Variants in SLCO3A1 observed in about 807,000 individuals in gnomAD.
SLCO3A1 encodes PGE1 transporter.
Under a neutral mutation model 63.1 loss-of-function variants are expected in SLCO3A1, and 27 were observed. That is an observed-to-expected ratio of 0.43 (90% CI 0.32 to 0.59). SLCO3A1 has a LOEUF of 0.59. Among genes scored for constraint, SLCO3A1 ranks in the 20% least tolerant of loss-of-function variants. SLCO3A1 has a pLI of 0.09. For missense variants in SLCO3A1, 773 were observed against 945.8 expected, an observed-to-expected ratio of 0.82 and a Z score of 2.40; for synonymous variants, 473 against 409.9, an observed-to-expected ratio of 1.15 and a Z score of -1.86.
At chr15:91,922,231 A>G (rs926889182) in intron 2 of SLCO3A1, among the ~76,000 whole-genome samples, 2 of 152,202 alleles carry the variant, frequency 1.3e-5, no homozygotes, top group Non-Finnish European at 2.9e-5. Context: ...AGGCTGGCAG[A>G]TTCTCCTGAG....
chr15:92,025,665 T>G (rs1387034394), intron 2 of SLCO3A1, among the ~76,000 whole-genome samples: 1 of 152,196 alleles, frequency 6.6e-6, no homozygotes, highest in Non-Finnish European at 1.5e-5. Flanking sequence ...GATCAATTCT[T>G]TTCCTTCCCC....
chr15:91,926,558 C>CGTGTGTGTGTGTGTGTGT lies in SLCO3A1; in HGVS notation c.646+10122_646+10139dup, dbSNP rs565234731. Among the ~76,000 whole-genome samples the CGTGTGTGTGTGTGTGTGT allele has an allele frequency of 5.6e-3, 703 of 126,012 alleles. 8 individuals are homozygous for CGTGTGTGTGTGTGTGTGT. Among genetic ancestry groups the CGTGTGTGTGTGTGTGTGT allele is most frequent in the African/African-American group, 0.012 (363 of 29,710 alleles). The allele number at this position is 126,012 out of a possible 152,430, so 82.7% of individuals were successfully genotyped here. A position where few individuals can be genotyped will look rare whatever the true frequency, so the allele number is the denominator to read the frequency against. On this transcript the variant is annotated intron_variant, in intron 2 of 9. Coordinates refer to ENST00000318445, the MANE Select transcript of SLCO3A1 (RefSeq NM_013272.4). The stretch of plus-strand genomic sequence containing the variant: ...CTTTGCCATTTCATTCCTGCCAAGC[C>CGTGTGTGTGTGTGTGTGT]GTGTGTGTGTGTGTGTGTGTGTGTG...
At chr15:91,938,911 G>C (rs4932591) in intron 2 of SLCO3A1, among the ~76,000 whole-genome samples, 56,186 of 151,992 alleles carry the variant, frequency 0.37, 11,218 homozygotes, top group East Asian at 0.81. Context: ...GGAGAAGTTG[G>C]GTAGGGAAGG....
At chr15:92,086,075 A>G (rs1198561694) in intron 2 of SLCO3A1, among the ~76,000 whole-genome samples, 1 of 152,226 alleles carries the variant, frequency 6.6e-6, no homozygotes, top group African/African-American at 2.4e-5. Flanking sequence ...TCTTACAAAC[A>G]ATGCTGGTGT....
rs922053708 is a variant in SLCO3A1 at position 92,132,054 on chromosome 15, A to T, written c.1512+3565A>T. Among the ~76,000 whole-genome samples the T allele has an allele frequency of 1.4e-5, 2 of 145,620 alleles. 1 individual carries two copies. The highest frequency in any genetic ancestry group is 5.0e-5 in the African/African-American group (2 of 40,176). ...CCAGGCTTTCTCAACACCCAGCTGG[A>T]GGCCCTGTACTGACCTCAGAGAGCC... On this transcript the variant is annotated intron_variant, in intron 7 of 9. Transcript: ENST00000318445.
Position 92,164,042 on chromosome 15 carries a change from A to AAAAAT in SLCO3A1, c.*909_*913dup. ...AAACATTTTGCCATTTTTAAAAGAAAAAAATACAATCCATATGAATTTCAA... is the reference window on the plus strand; with the variant it reads ...AAACATTTTGCCATTTTTAAAAGAAAAAAATAAAATACAATCCATATGAATTTCAA... On this transcript the variant is annotated 3_prime_UTR_variant, in exon 10 of 10. Coordinates refer to ENST00000318445, the MANE Select transcript of SLCO3A1 (RefSeq NM_013272.4). 1 of 984,906 alleles carries AAAAAT rather than the reference A, an allele frequency of 1.0e-6. No homozygotes were observed. The highest frequency in any genetic ancestry group is 1.2e-6 in the Non-Finnish European group (1 of 829,418). 61.0% of individuals were successfully genotyped at this position (984,906 alleles called of 1,614,324 possible).
At chr15:92,071,529 G>A (rs2047216009) in intron 2 of SLCO3A1, among the ~76,000 whole-genome samples, 1 of 152,230 alleles carries the variant, frequency 6.6e-6, no homozygotes, top group African/African-American at 2.4e-5. Flanking sequence ...GTCATTTGAA[G>A]CTAAGTGTCA....
chr15:91,996,244 C>A (rs1402475473), intron 2 of SLCO3A1, among the ~76,000 whole-genome samples: 3 of 151,848 alleles, frequency 2.0e-5, no homozygotes, highest in Non-Finnish European at 4.4e-5. Context: ...AATATTTATG[C>A]TAGTAATCAA....
At chr15:92,012,834 G>A (rs907460377) in intron 2 of SLCO3A1, among the ~76,000 whole-genome samples, 2 of 151,536 alleles carry the variant, frequency 1.3e-5, no homozygotes, top group African/African-American at 4.9e-5. Flanking sequence ...TCCCCAAGGA[G>A]CTAGAGAAAG....
chr15:91,945,341 CA>C (rs146934068), intron 2 of SLCO3A1, among the ~76,000 whole-genome samples: 324 of 137,022 alleles, frequency 2.4e-3, no homozygotes, highest in African/African-American at 7.1e-3. Context: ...GACTCCATCT[CA>C]AAAAAAAAAA....
intron 2 of SLCO3A1, among the ~76,000 whole-genome samples, chr15:91,936,874 C>T (rs1030171943): frequency 1.4e-4 from 21 of 152,266 alleles, no homozygotes; most frequent in African/African-American, 4.6e-4. Context: ...CTGTTTCTCT[C>T]GTAGGCACCA....
At chr15:91,896,080 C>T (rs9920794) in intron 1 of SLCO3A1, among the ~76,000 whole-genome samples, 6,914 of 152,282 alleles carry the variant, frequency 0.045, 428 homozygotes, top group African/African-American at 0.14. Context: ...ATTTGTTTCT[C>T]TTCCATTTTC....
Position 91,941,588 on chromosome 15 carries a change from TTTCTC to T in SLCO3A1, c.646+25134_646+25138del, listed in dbSNP as rs2151400512. The stretch of plus-strand genomic sequence containing the variant: ...GTTTATTTCACTCAGTAAGTAATCT[TTTCTC>T]TTCCTTCGTCTTGGAGGTTTTGAAG... On this transcript the variant is annotated intron_variant, in intron 2 of 9. Transcript: ENST00000318445. This position sits in a 1 kb window ranked among gnomAD's most constrained non-coding sequence, Gnocchi z 4.4. The T allele has an allele frequency of 2.2e-6, 1 of 456,002 alleles. No individual in the cohort carries two copies. The highest frequency in any genetic ancestry group is 1.5e-5 in the South Asian group (1 of 64,540). The allele number at this position is 456,002 out of a possible 1,614,324, so 28.2% of individuals were successfully genotyped here.
chr15:92,130,871 C>A, intron 7 of SLCO3A1, among the ~76,000 whole-genome samples: 1 of 136,492 alleles, frequency 7.3e-6, no homozygotes, highest in African/African-American at 2.8e-5. Context: ...CTCTTCTTGT[C>A]TCCAAGTTCG....
intron 5 of SLCO3A1, among the ~76,000 whole-genome samples, chr15:92,124,849 C>T (rs929883544): frequency 6.6e-5 from 10 of 152,040 alleles, no homozygotes; most frequent in African/African-American, 2.4e-4. Context: ...GGGAACTGCA[C>T]GTGCAAAGCC....
chr15:92,080,061 G>A (rs1262401216), intron 2 of SLCO3A1, among the ~76,000 whole-genome samples: 2 of 152,256 alleles, frequency 1.3e-5, no homozygotes, highest in African/African-American at 4.8e-5. Context: ...GGCCTGGCTG[G>A]GCCTGGAGAG....
At chr15:91,993,882 G>A (rs1012119020) in intron 2 of SLCO3A1, among the ~76,000 whole-genome samples, 1 of 152,190 alleles carries the variant, frequency 6.6e-6, no homozygotes, top group Non-Finnish European at 1.5e-5. Flanking sequence ...GGACACCTAA[G>A]CAGGCTGTGG....
chr15:91,867,113 C>A (rs1440785670), intron 1 of SLCO3A1, among the ~76,000 whole-genome samples: 1 of 152,218 alleles, frequency 6.6e-6, no homozygotes, highest in Non-Finnish European at 1.5e-5. Flanking sequence ...TGGAGTGCCA[C>A]TCCAGTTAGC....
intron 2 of SLCO3A1, among the ~76,000 whole-genome samples, chr15:91,960,124 T>C (rs28513490): frequency 0.28 from 42,205 of 152,008 alleles, 6,403 homozygotes; most frequent in East Asian, 0.38. Context: ...GCTGGGACTA[T>C]AGGCGCGTGC....
Sources: gnomAD v4.1 joint callset for allele counts (sites outside exome capture counted in the v4.1 genomes callset) on GRCh38, gnomAD v4.1.1 for gene constraint, Gnocchi (gnomAD v3.1) non-coding constraint, MANE v1.5 for transcripts, NCBI Gene and HGNC (gene_info 2026-07-23, HGNC 2026-07-21) for gene names.